The following ITGAD variants were observed in gnomAD, a reference collection of about 807,000 sequenced individuals.
The protein encoded by ITGAD is integrin alpha-D.
Under a neutral mutation model 139.0 loss-of-function variants are expected in ITGAD, and 105 were observed. That is an observed-to-expected ratio of 0.76 (90% CI 0.65 to 0.89). ITGAD has a LOEUF of 0.89. ITGAD is among the 40% of genes least tolerant of loss of function. ITGAD has a pLI of 0.00. For synonymous variants in ITGAD, 569 were observed against 598.3 expected (o/e 0.95, Z 0.71); for missense variants, 1,384 against 1,487.3 (o/e 0.93, Z 1.14).
chr16:31,423,190 C>T lies in ITGAD; in HGVS notation c.2857C>T (p.Arg953Cys), dbSNP rs182955563. Residue 953 changes from arginine (R) to cysteine (C), a missense_variant and splice_region_variant, in exon 24 of 30, where the codon CGT (arginine) becomes TGT (cysteine). Coordinates refer to ENST00000389202, the MANE Select transcript of ITGAD (RefSeq NM_005353.3). ...AATGAAAGAGGCTGAGCATCGATAC[C>T]GTGTGAGAGTCTAGGGAGTATCCAT... ...KKMKEAEHRY[R>C]VNNLSQRDLA... 6.9e-5 allele frequency: 112 copies of T among 1,613,394 alleles called. No homozygotes were observed. Among genetic ancestry groups the T allele is most frequent in the Middle Eastern group, 1.6e-4 (1 of 6,062 alleles).
intron 5 of ITGAD, among the ~76,000 whole-genome samples, chr16:31,400,041 G>A (rs766074413): frequency 1.1e-4 from 16 of 152,228 alleles, no homozygotes; most frequent in Admixed American, 2.0e-4. Flanking sequence ...ACAATAAAAA[G>A]ACCAAGAAAC....
chr16:31,410,911 AG>A (rs768175279), intron 12 of ITGAD, 33 bp downstream of exon 12: 1 of 609,792 alleles, frequency 1.6e-6, no homozygotes, highest in Non-Finnish European at 2.5e-6. Context: ...GGGGAGGATG[AG>A]GGTGGGGAGG....
intron 23 of ITGAD, 148 bp downstream of exon 23, chr16:31,418,712 C>A: frequency 1.5e-6 from 1 of 679,462 alleles, no homozygotes; most frequent in Non-Finnish European, 2.6e-6. Flanking sequence ...TATATAATGA[C>A]ATTTATGCTG....
chr16:31,408,415 T>G lies in ITGAD; in HGVS notation c.1010-10T>G, dbSNP rs944470243. The G allele has an allele frequency of 2.5e-6, 4 of 1,613,230 alleles. No homozygotes were observed. In the African/African-American group the frequency reaches 5.3e-5, roughly 22 times the overall value. ...GCTTCTAGGAACTTCACTGACCTGTTTCCCCACAGGAACCCAGTCCAGGGC... is the reference window on the plus strand; with the variant it reads ...GCTTCTAGGAACTTCACTGACCTGTGTCCCCACAGGAACCCAGTCCAGGGC... On this transcript the variant is annotated splice_polypyrimidine_tract_variant and intron_variant, in intron 9 of 29. Transcript: ENST00000389202.
chr16:31,419,490 T>C (rs2081966552), intron 23 of ITGAD, among the ~76,000 whole-genome samples: 1 of 152,198 alleles, frequency 6.6e-6, no homozygotes, highest in South Asian at 2.1e-4. Context: ...TTTGCATAAG[T>C]GCAACCTATG....
intron 10 of ITGAD, among the ~76,000 whole-genome samples, chr16:31,409,229 A>G (rs1236882812): frequency 6.6e-6 from 1 of 152,100 alleles, no homozygotes; most frequent in Non-Finnish European, 1.5e-5. Context: ...CAGGAGGCAG[A>G]GGTTGCACTG....
In ITGAD at chr16:31,403,708, A is replaced by T; in HGVS notation, c.704+63A>T. The T allele has an allele frequency of 6.3e-7, 1 of 1,593,026 alleles. No homozygotes were observed. The highest frequency in any genetic ancestry group is 8.6e-7 in the Non-Finnish European group (1 of 1,163,556). On this transcript the variant is annotated intron_variant, in intron 7 of 29. Coordinates refer to ENST00000389202, the MANE Select transcript of ITGAD (RefSeq NM_005353.3). This position sits in a 1 kb window ranked among gnomAD's most constrained non-coding sequence, Gnocchi z 4.4. ...CACCCCCACTTCCTAACCCTGGGTC[A>T]GCACAGCTCTTCTCAGAGGCTGAGG...
At chr16:31,410,113 G>A (rs984845878) in intron 10 of ITGAD, among the ~76,000 whole-genome samples, 1 of 151,926 alleles carries the variant, frequency 6.6e-6, no homozygotes, top group African/African-American at 2.4e-5. Flanking sequence ...TTTCCAGCAG[G>A]GGTGGCTGCA....
chr16:31,407,520 A>T lies in ITGAD; in HGVS notation c.710A>T (p.Gln237Leu). Reference sequence around the variant, plus strand: ...CTTCCTTTCCTCCCCGACAGGACACAGCTATTTCATCATAAGAATGGGGCC... The same window carrying T: ...CTTCCTTTCCTCCCCGACAGGACACTGCTATTTCATCATAAGAATGGGGCC... ...TATGILTVVT[Q>L]LFHHKNGARK... The change falls in exon 8 of 30, where the codon CAG becomes CTG. Residue 237 changes from glutamine (Q) to leucine (L), a missense_variant. Physicochemically the swap from Gln to Leu is moderately radical, Grantham distance 113. Coordinates refer to ENST00000389202, the MANE Select transcript of ITGAD (RefSeq NM_005353.3). 6.3e-7 allele frequency: 1 copy of T among 1,589,122 alleles called. No homozygotes were observed. The highest frequency in any genetic ancestry group is 8.6e-7 in the Non-Finnish European group (1 of 1,166,438).
In ITGAD at chr16:31,408,481, A is replaced by G. The variant is rs2081596288; in HGVS notation, c.1066A>G (p.Ser356Gly). Residue 356 changes from serine to glycine, a missense_variant, in exon 10 of 30, where the codon AGC becomes GGC. Physicochemically the swap from Ser to Gly is moderately conservative, Grantham distance 56. Coordinates refer to ENST00000389202, the MANE Select transcript of ITGAD (RefSeq NM_005353.3). ...GCACGAGATGTCCCAAGAAGGCTTC[A>G]GCACAGCCCTCACAATGGTGGGTAG... is the stretch of plus-strand genomic sequence containing the variant. ...FQHEMSQEGF[S>G]TALTMDGLFL... The G allele has an allele frequency of 6.2e-7, 1 of 1,614,060 alleles. No individual in the cohort carries two copies. Among genetic ancestry groups the G allele is most frequent in the East Asian group, 2.2e-5 (1 of 44,878 alleles).
intron 28 of ITGAD, 114 bp downstream of exon 28, chr16:31,424,317 G>C (rs1420571235): frequency 3.7e-6 from 5 of 1,364,666 alleles, no homozygotes; most frequent in Non-Finnish European, 4.2e-6. Context: ...AAGTCTCTGG[G>C]CAGGACAGCT....
At position 31,407,532 on chromosome 16, in the gene ITGAD, A is replaced by G. The variant is rs1301006554; in HGVS notation, c.722A>G (p.His241Arg). Reference sequence around the variant, plus strand: ...CCCGACAGGACACAGCTATTTCATCATAAGAATGGGGCCCGAAAAAGTGCC... The same window carrying G: ...CCCGACAGGACACAGCTATTTCATCGTAAGAATGGGGCCCGAAAAAGTGCC... ...ILTVVTQLFHHKNGARKSAKK... is the reference protein window; with the variant it reads ...ILTVVTQLFHRKNGARKSAKK... Residue 241 changes from histidine (H) to arginine (R), a missense_variant, in exon 8 of 30, where the codon CAT becomes CGT. By Grantham distance (29) the His-to-Arg change is conservative (BLOSUM62 0). Transcript: ENST00000389202. 4.4e-6 allele frequency: 7 copies of G among 1,597,078 alleles called. No homozygotes were observed. Among genetic ancestry groups the G allele is most frequent in the African/African-American group, 1.3e-5 (1 of 74,438 alleles).
At chr16:31,402,082 G>A in intron 5 of ITGAD, 33 bp from the exon 6 acceptor site, 2 of 1,607,090 alleles carry the variant, frequency 1.2e-6, no homozygotes, top group Middle Eastern at 1.7e-4. Flanking sequence ...GGCCCCCGCA[G>A]TGCATCTCCG....
chr16:31,408,024 T>C lies in ITGAD; in HGVS notation c.1009+108T>C, dbSNP rs1421552668. ...GTCTCACTTTGTCCCCAGGCTGGAG[T>C]GTAGTGGCACGATCTCGGCTCACTG... On this transcript the variant is annotated intron_variant, in intron 9 of 29. Transcript: ENST00000389202. 3.3e-6 allele frequency: 4 copies of C among 1,229,448 alleles called. No individual in the cohort carries two copies. In the Admixed American group the frequency reaches 1.0e-4, roughly 32 times the overall value. 76.2% of individuals were successfully genotyped at this position (1,229,448 alleles called of 1,614,324 possible).
At chr16:31,393,726 G>A (rs2081194162) in intron 1 of ITGAD, among the ~76,000 whole-genome samples, 1 of 152,080 alleles carries the variant, frequency 6.6e-6, no homozygotes, top group African/African-American at 2.4e-5. Context: ...ACCAGGGAGG[G>A]GGAAAGGTTG....
intron 28 of ITGAD, 94 bp downstream of exon 28, chr16:31,424,297 A>T: frequency 6.7e-7 from 1 of 1,488,162 alleles, no homozygotes; most frequent in Non-Finnish European, 9.4e-7. Flanking sequence ...GCCTTGCGGG[A>T]GGAGGGTGAA....
At chr16:31,393,443 T>C (rs2081186035) in intron 1 of ITGAD, 52 bp downstream of exon 1, 3 of 1,602,680 alleles carry the variant, frequency 1.9e-6, no homozygotes, top group African/African-American at 2.7e-5. Flanking sequence ...CTGAGGGGAC[T>C]CCATCTGGGA....
At position 31,402,230 on chromosome 16, in the gene ITGAD, G is replaced by A. The variant is rs749679793; in HGVS notation, c.543G>A (p.Glu181=). 70 of 1,612,264 alleles carry A rather than the reference G, an allele frequency of 4.3e-5. No individual in the cohort carries two copies. Among genetic ancestry groups the A allele is most frequent in the Non-Finnish European group, 5.7e-5 (67 of 1,178,990 alleles). The change falls in exon 6 of 30, where the codon GAG becomes GAA. Residue 181 remains glutamate (E), a synonymous_variant. Transcript: ENST00000389202. The part of the protein sequence containing the change: ...GFVQAVMGQF[E]GTDTLFALMQ... ...TCCAAGCTGTCATGGGCCAGTTTGA[G>A]GGCACTGACACCCTGGTGAAGACTG...
At chr16:31,418,699 C>G in intron 23 of ITGAD, 135 bp downstream of exon 23, 1 of 719,596 alleles carries the variant, frequency 1.4e-6, no homozygotes, top group Non-Finnish European at 2.5e-6. Flanking sequence ...GGGTGAATGG[C>G]CATATATAAT....
Sources: allele counts gnomAD v4.1 joint callset (sites outside exome capture counted in the v4.1 genomes callset), GRCh38; gene constraint gnomAD v4.1.1; non-coding constraint Gnocchi (gnomAD v3.1); transcripts MANE v1.5; gene names NCBI Gene and HGNC (gene_info 2026-07-23, HGNC 2026-07-21).